Variants in ULK4 observed in about 807,000 individuals in gnomAD.
ULK4 encodes unc-51 like kinase 4, also known as inactive serine/threonine-protein kinase ULK4.
A neutral mutation model predicts 160.6 loss-of-function variants in ULK4; 133 were observed. The observed-to-expected ratio is 0.83, with a 90% CI of 0.72 to 0.96. The LOEUF (loss-of-function observed/expected upper bound fraction) is 0.96. ULK4 is among the 40% of genes least tolerant of loss of function. The probability of loss-of-function intolerance (pLI) is 0.00; values close to 1 mark genes in which losing one functional copy is unlikely to be tolerated. For missense variants in ULK4, 1,580 were observed against 1,499.5 expected (o/e 1.05, Z -0.89); for synonymous variants, 534 against 539.8 (o/e 0.99, Z 0.15).
rs775664597 is a variant in ULK4 at position 41,775,487 on chromosome 3, C to T, written c.2193+14174G>A. The stretch of plus-strand genomic sequence containing the variant: ...AATCTGGGCTCACTGCAACCTCCAC[C>T]TCCCAGTTTCAAGCGATTCTCCTGC... On this transcript the variant is annotated intron_variant, in intron 21 of 36. Coordinates refer to ENST00000301831, the MANE Select transcript of ULK4 (RefSeq NM_017886.4). Among the ~76,000 whole-genome samples the T allele has an allele frequency of 1.7e-4, 26 of 149,582 alleles. 1 individual carries two copies. Among genetic ancestry groups the T allele is most frequent in the Admixed American group, 6.6e-4 (10 of 15,156 alleles).
intron 35 of ULK4, among the ~76,000 whole-genome samples, chr3:41,345,508 G>A (rs2080779792): frequency 6.6e-6 from 1 of 152,186 alleles, no homozygotes; most frequent in Non-Finnish European, 1.5e-5. Flanking sequence ...ATTATCCTCA[G>A]AAAACTAATG....
chr3:41,315,043 C>A (rs1025545104), intron 35 of ULK4, among the ~76,000 whole-genome samples: 1 of 151,978 alleles, frequency 6.6e-6, no homozygotes, highest in Non-Finnish European at 1.5e-5. Context: ...AACAATAAAA[C>A]CATGCAAATT....
intron 17 of ULK4, chr3:41,882,341 G>C: frequency 1.4e-6 from 1 of 699,708 alleles, no homozygotes; most frequent in Non-Finnish European, 2.6e-6. Flanking sequence ...CTGTGAAAAA[G>C]ATAAAGTAGA....
chr3:41,515,483 T>TA (rs749256504), intron 32 of ULK4, among the ~76,000 whole-genome samples: 4 of 152,248 alleles, frequency 2.6e-5, no homozygotes, highest in South Asian at 4.2e-4. Flanking sequence ...CATGCTGCTA[T>TA]AAAAAATTGC....
intron 32 of ULK4, among the ~76,000 whole-genome samples, chr3:41,526,817 A>T (rs563093451): frequency 6.6e-6 from 1 of 152,164 alleles, no homozygotes; most frequent in South Asian, 2.1e-4. Flanking sequence ...GTTTTTTAAA[A>T]ATTTCCTTGA....
At chr3:41,593,762 G>A (rs934535273) in intron 31 of ULK4, among the ~76,000 whole-genome samples, 3 of 152,144 alleles carry the variant, frequency 2.0e-5, no homozygotes, top group African/African-American at 7.2e-5. Context: ...TGGGCACAGT[G>A]GCTCACTTCT....
intron 27 of ULK4, among the ~76,000 whole-genome samples, chr3:41,694,690 C>G (rs1253947988): frequency 1.3e-5 from 2 of 152,150 alleles, no homozygotes; most frequent in African/African-American, 2.4e-5. Context: ...ACCCATATAC[C>G]TTAAATCATC....
At chr3:41,792,364 T>G (rs1256261200) in intron 20 of ULK4, among the ~76,000 whole-genome samples, 1 of 152,190 alleles carries the variant, frequency 6.6e-6, no homozygotes, top group South Asian at 2.1e-4. Flanking sequence ...TTGCTGTTTA[T>G]GAAATCAAAC....
At position 41,705,160 on chromosome 3, in the gene ULK4, A is replaced by T. The variant is rs1457895222; in HGVS notation, c.2687-9T>A. The T allele has an allele frequency of 3.7e-6, 6 of 1,611,274 alleles. No homozygotes were observed. The highest frequency in any genetic ancestry group is 3.4e-5 in the Admixed American group (2 of 59,664). On this transcript the variant is annotated splice_polypyrimidine_tract_variant and intron_variant, in intron 26 of 36. Transcript: ENST00000301831. ...TTCTGATGCTGTCAGTCCTAGAAAT[A>T]CAGTTAATTATTATAGGTGTTTATT...
At chr3:41,341,299 A>G (rs17055984) in intron 35 of ULK4, among the ~76,000 whole-genome samples, 2,718 of 152,312 alleles carry the variant, frequency 0.018, 99 homozygotes, top group African/African-American at 0.062. Flanking sequence ...CTGTGATGGT[A>G]TGATAGTTTA....
intron 2 of ULK4, among the ~76,000 whole-genome samples, chr3:41,953,116 T>C (rs1700343332): frequency 6.6e-6 from 1 of 151,842 alleles, no homozygotes; most frequent in Non-Finnish European, 1.5e-5. Context: ...TGGGGATAGA[T>C]GGAGGTGATA....
intron 12 of ULK4, among the ~76,000 whole-genome samples, chr3:41,906,881 G>A (rs377470393): frequency 1.3e-5 from 2 of 151,878 alleles, no homozygotes; most frequent in Non-Finnish European, 2.9e-5. Flanking sequence ...TAGTCCCAGC[G>A]ACTTGGTAGG....
intron 35 of ULK4, among the ~76,000 whole-genome samples, chr3:41,355,789 T>C (rs928566109): frequency 3.9e-5 from 6 of 152,186 alleles, no homozygotes; most frequent in Non-Finnish European, 5.9e-5. Context: ...TATAAAAACA[T>C]TACATTTTAA....
intron 17 of ULK4, among the ~76,000 whole-genome samples, chr3:41,844,622 C>T (rs919681230): frequency 1.3e-5 from 2 of 152,206 alleles, no homozygotes; most frequent in African/African-American, 4.8e-5. Flanking sequence ...CACAGTGCAG[C>T]AGCAGGCTGA....
At chr3:41,290,094 C>G (rs992209488) in intron 35 of ULK4, among the ~76,000 whole-genome samples, 23 of 152,206 alleles carry the variant, frequency 1.5e-4, no homozygotes, top group African/African-American at 5.1e-4. Flanking sequence ...AGGCTGGTCT[C>G]GAACTCCTGA....
At chr3:41,656,559 C>T (rs74497466) in intron 30 of ULK4, among the ~76,000 whole-genome samples, 272 of 152,208 alleles carry the variant, frequency 1.8e-3, no homozygotes, top group Non-Finnish European at 3.4e-3. Context: ...TCAGTAGTTG[C>T]TGATTAAGAT....
At chr3:41,440,967 T>C (rs2083152780) in intron 34 of ULK4, among the ~76,000 whole-genome samples, 1 of 152,116 alleles carries the variant, frequency 6.6e-6, no homozygotes. Context: ...TTAATATCTG[T>C]AGAATTTGTA....
chr3:41,894,321 T>G (rs1297097144), intron 16 of ULK4, among the ~76,000 whole-genome samples: 1 of 152,176 alleles, frequency 6.6e-6, no homozygotes, highest in Non-Finnish European at 1.5e-5. Context: ...AAATCCTACT[T>G]TTTATTACCA....
At chr3:41,638,274 C>T (rs909767846) in intron 30 of ULK4, among the ~76,000 whole-genome samples, 11 of 152,040 alleles carry the variant, frequency 7.2e-5, no homozygotes, top group Admixed American at 4.6e-4. Context: ...TTAGGAACAG[C>T]CTTTTCATGT....
Sources: allele counts gnomAD v4.1 joint callset (sites outside exome capture counted in the v4.1 genomes callset), GRCh38; gene constraint gnomAD v4.1.1; transcripts MANE v1.5; gene names NCBI Gene and HGNC (gene_info 2026-07-23, HGNC 2026-07-21).